The following AGBL1 variants were observed in gnomAD, a reference collection of about 807,000 sequenced individuals.
The protein encoded by AGBL1 is AGBL carboxypeptidase 1.
AGBL1 carries 130 observed loss-of-function variants against 118.9 expected under a neutral mutation model. The ratio of observed to expected loss-of-function variants is 1.09; its 90% CI spans 0.95 to 1.26. AGBL1 has a LOEUF of 1.26. AGBL1 is among the 50% of genes most tolerant of loss of function. The pLI is 0.00. For missense variants in AGBL1, 1,584 were observed against 1,298.1 expected, an observed-to-expected ratio of 1.22 and a Z score of -3.38; for synonymous variants, 555 against 478.9, an observed-to-expected ratio of 1.16 and a Z score of -2.08.
chr15:86,282,979 T>A (rs1373092745), intron 16 of AGBL1, among the ~76,000 whole-genome samples: 1 of 152,200 alleles, frequency 6.6e-6, no homozygotes, highest in Non-Finnish European at 1.5e-5. Flanking sequence ...TCTCTTATAA[T>A]AAGGAAATTA....
chr15:86,386,884 TTGAATGAA>T (rs551937750), intron 17 of AGBL1, among the ~76,000 whole-genome samples: 7 of 152,138 alleles, frequency 4.6e-5, no homozygotes, highest in Non-Finnish European at 8.8e-5. Flanking sequence ...TAAATATTCT[TTGAATGAA>T]TGAATGAATG....
intron 22 of AGBL1, among the ~76,000 whole-genome samples, chr15:86,862,885 A>G (rs1019033572): frequency 6.6e-6 from 1 of 152,236 alleles, no homozygotes; most frequent in African/African-American, 2.4e-5. Context: ...TGGAAAATGC[A>G]CTATGTAAGG....
At chr15:86,948,803 A>G (rs1328496674) in intron 23 of AGBL1, among the ~76,000 whole-genome samples, 5 of 152,386 alleles carry the variant, frequency 3.3e-5, no homozygotes, top group Non-Finnish European at 7.3e-5. Context: ...ACTATTTGAT[A>G]TCTTGGACGA....
At position 86,615,559 on chromosome 15, in the gene AGBL1, G is replaced by A. The variant is rs912612938; in HGVS notation, c.2995-58714G>A. On this transcript the variant is annotated intron_variant, in intron 21 of 22. Coordinates refer to ENST00000614907, the MANE Select transcript of AGBL1 (RefSeq NM_001386094.1). This position sits in a 1 kb window ranked among gnomAD's most constrained non-coding sequence, Gnocchi z 4.3. ...ACCTGAGAAGGCCACACGCCATCCC[G>A]GTGGAGATGGCACAGTGGAGAAGGC... Among the ~76,000 whole-genome samples, 1 of 152,190 alleles carries A rather than the reference G, an allele frequency of 6.6e-6. No individual in the cohort carries two copies. Among genetic ancestry groups the A allele is most frequent in the Admixed American group, 6.6e-5 (1 of 15,266 alleles).
At chr15:86,730,994 A>T (rs2077519768) in intron 22 of AGBL1, among the ~76,000 whole-genome samples, 1 of 151,544 alleles carries the variant, frequency 6.6e-6, no homozygotes, top group South Asian at 2.1e-4. Context: ...TGCCAAGCTA[A>T]TTTTTTTTAT....
At chr15:86,391,624 T>G (rs2081286615) in intron 17 of AGBL1, among the ~76,000 whole-genome samples, 1 of 149,176 alleles carries the variant, frequency 6.7e-6, no homozygotes, top group African/African-American at 2.5e-5. Flanking sequence ...CATACCTTTG[T>G]ATAATGTTGT....
intron 18 of AGBL1, among the ~76,000 whole-genome samples, chr15:86,506,278 A>C (rs1383195083): frequency 6.6e-6 from 1 of 152,026 alleles, no homozygotes; most frequent in Non-Finnish European, 1.5e-5. Context: ...CTATGCATGC[A>C]GGTTTCTAGA....
At chr15:86,298,356 T>TATAGGTAA in intron 17 of AGBL1, among the ~76,000 whole-genome samples, 1 of 121,354 alleles carries the variant, frequency 8.2e-6, no homozygotes, top group Non-Finnish European at 1.7e-5. Context: ...ATGAATATAT[T>TATAGGTAA]CTTATATATA....
At chr15:86,631,577 C>A (rs1175026656) in intron 21 of AGBL1, among the ~76,000 whole-genome samples, 1 of 152,166 alleles carries the variant, frequency 6.6e-6, no homozygotes, top group Non-Finnish European at 1.5e-5. Flanking sequence ...TTGAGGCCTG[C>A]TGGCATCTTT....
intron 22 of AGBL1, among the ~76,000 whole-genome samples, chr15:86,861,761 G>T (rs1488751670): frequency 3.3e-5 from 5 of 152,154 alleles, no homozygotes; most frequent in African/African-American, 4.8e-5. Flanking sequence ...ATACTCCTGA[G>T]AAGAGACTGA....
intron 1 of AGBL1, among the ~76,000 whole-genome samples, chr15:86,094,390 A>G (rs1896223329): frequency 6.6e-6 from 1 of 152,184 alleles, no homozygotes; most frequent in African/African-American, 2.4e-5. Context: ...ATGACATGGT[A>G]TTTTGATAAC....
chr15:86,126,832 A>C (rs962266761), intron 1 of AGBL1, among the ~76,000 whole-genome samples: 1 of 152,220 alleles, frequency 6.6e-6, no homozygotes, highest in African/African-American at 2.4e-5. Context: ...TCTTGCAACA[A>C]ATTTTCATTG....
chr15:86,472,317 G>T (rs1394908789), intron 18 of AGBL1, among the ~76,000 whole-genome samples: 1 of 152,190 alleles, frequency 6.6e-6, no homozygotes, highest in Admixed American at 6.5e-5. Flanking sequence ...CCTGGTTAAG[G>T]TTCAGGCATT....
At chr15:86,461,400 T>C (rs770438821) in intron 18 of AGBL1, among the ~76,000 whole-genome samples, 2 of 152,188 alleles carry the variant, frequency 1.3e-5, no homozygotes, top group Non-Finnish European at 2.9e-5. Flanking sequence ...AGTGAGCCCC[T>C]TTTATGCCTA....
At chr15:86,895,544 T>A (rs1282467512) in intron 22 of AGBL1, among the ~76,000 whole-genome samples, 2 of 152,140 alleles carry the variant, frequency 1.3e-5, no homozygotes, top group Admixed American at 1.3e-4. Context: ...ATAAAGGGAT[T>A]TTTTGAGTAT....
chr15:86,985,104 G>T (rs1227467578), intron 23 of AGBL1, among the ~76,000 whole-genome samples: 7 of 152,188 alleles, frequency 4.6e-5, no homozygotes, highest in African/African-American at 1.7e-4. Flanking sequence ...GTAGTACATT[G>T]TGTAGATATG....
In AGBL1 at chr15:86,186,917, C is replaced by T. The variant is rs2077641865; in HGVS notation, c.488+27891C>T. Among the ~76,000 whole-genome samples, 3 of 152,276 alleles carry T rather than the reference C, an allele frequency of 2.0e-5. No homozygotes were observed. The Middle Eastern group carries it at 0.01, about 518-fold the overall frequency. Reference sequence around the variant, plus strand: ...TCAAGACAAAATGTGACTCTAAATTCCACACTCTCTTCATTATACAACACA... The same window carrying T: ...TCAAGACAAAATGTGACTCTAAATTTCACACTCTCTTCATTATACAACACA... On this transcript the variant is annotated intron_variant, in intron 5 of 22. Transcript: ENST00000614907.
intron 21 of AGBL1, among the ~76,000 whole-genome samples, chr15:86,588,305 C>A (rs2084282471): frequency 6.6e-6 from 1 of 152,180 alleles, no homozygotes; most frequent in South Asian, 2.1e-4. Context: ...CAGGTCTTAT[C>A]AAAGACCCTC....
At chr15:86,882,338 A>G (rs1362444829) in intron 22 of AGBL1, among the ~76,000 whole-genome samples, 2 of 152,162 alleles carry the variant, frequency 1.3e-5, no homozygotes, top group East Asian at 1.9e-4. Flanking sequence ...CTGAAATGCG[A>G]TGTTCAAATC....
Sources: gnomAD v4.1 joint callset for allele counts (sites outside exome capture counted in the v4.1 genomes callset) on GRCh38, gnomAD v4.1.1 for gene constraint, Gnocchi (gnomAD v3.1) non-coding constraint, MANE v1.5 for transcripts, NCBI Gene and HGNC (gene_info 2026-07-23, HGNC 2026-07-21) for gene names.